PRSS56: variants seen among roughly 807,000 people sequenced by gnomAD.
PRSS56 encodes serine protease 56.
PRSS56 carries 55 observed loss-of-function variants against 66.8 expected under a neutral mutation model. The ratio of observed to expected loss-of-function variants is 0.82; its 90% CI spans 0.66 to 1.03. PRSS56 has a LOEUF of 1.03. Among genes scored for constraint, PRSS56 ranks in the 50% least tolerant of loss-of-function variants. The probability of loss-of-function intolerance (pLI) is 0.00; values close to 1 mark genes in which losing one functional copy is unlikely to be tolerated. For synonymous variants in PRSS56, 409 were observed against 387.9 expected (o/e 1.05, Z -0.64); for missense variants, 869 against 837.2 (o/e 1.04, Z -0.47).
chr2:232,524,278 G>T, intron 10 of PRSS56, 29 bp from the exon 11 acceptor site: 1 of 1,535,566 alleles, frequency 6.5e-7, no homozygotes, highest in South Asian at 1.2e-5. Context: ...TCTCCGCCGA[G>T]GCGGTACCCT....
chr2:232,523,071 G>A lies in PRSS56; in HGVS notation c.718G>A (p.Ala240Thr), dbSNP rs1390869883. ...CCCCTTCCCTGCAGACGGGCCTGAGGCTGAAGCAGTGAGAGAGGCCCGTGT... is the reference window on the plus strand; with the variant it reads ...CCCCTTCCCTGCAGACGGGCCTGAGACTGAAGCAGTGAGAGAGGCCCGTGT... Reference protein sequence around the residue: ...WGALFEDGPEAEAVREARVPL... With the variant: ...WGALFEDGPETEAVREARVPL... The change falls in exon 7 of 13, where the codon GCT (alanine) becomes ACT (threonine). Residue 240 changes from alanine (A) to threonine (T), a missense_variant. This residue lies in a region of PRSS56 where 551 missense variants were observed against 506.9 expected (regional missense o/e 1.09). Transcript: ENST00000617714. 1.3e-6 allele frequency: 2 copies of A among 1,535,104 alleles called. No individual in the cohort carries two copies. Among genetic ancestry groups the A allele is most frequent in the Admixed American group, 2.0e-5 (1 of 50,860 alleles).
In PRSS56 at chr2:232,523,418, T is replaced by A. The variant is rs1691329600; in HGVS notation, c.852T>A (p.Gly284=). Reference sequence around the variant, plus strand: ...CGTCCTCTCTCTTGGCCCCGCAGGGTGACTCGGGAGGCCCCCTGACCTGTT... The same window carrying A: ...CGTCCTCTCTCTTGGCCCCGCAGGGAGACTCGGGAGGCCCCCTGACCTGTT... ...YLAGGVDSCQ[G]DSGGPLTCSE... The change falls in exon 8 of 13, where the codon GGT becomes GGA. Residue 284 remains glycine (G), a splice_region_variant and synonymous_variant. Coordinates refer to ENST00000617714, the MANE Select transcript of PRSS56 (RefSeq NM_001195129.2). 2.8e-6 allele frequency: 4 copies of A among 1,442,164 alleles called. No homozygotes were observed. The highest frequency in any genetic ancestry group is 2.7e-6 in the Non-Finnish European group (3 of 1,100,816). 89.3% of individuals were successfully genotyped at this position (1,442,164 alleles called of 1,614,324 possible). A position where few individuals can be genotyped will look rare whatever the true frequency, so the allele number is the denominator to read the frequency against.
intron 2 of PRSS56, 83 bp downstream of exon 2, chr2:232,521,511 CT>C: frequency 8.7e-7 from 1 of 1,148,318 alleles, no homozygotes; most frequent in Non-Finnish European, 1.3e-6. Context: ...TCCCTTCAGT[CT>C]TCACTCTCCT....
intron 9 of PRSS56, 22 bp downstream of exon 9, chr2:232,523,967 C>A: frequency 3.3e-6 from 5 of 1,517,032 alleles, no homozygotes; most frequent in Non-Finnish European, 3.5e-6. Context: ...TCACCCGGAC[C>A]CGGACGGGGG....
rs1053312141 is a variant in PRSS56, at chr2:232,522,175, C to G, written c.446+15C>G. ...TGCTTTGTAGGGTAAGTAGGACCCC[C>G]AGGCCTTGCCCAGCTGGGGTCCCCG... On this transcript the variant is annotated intron_variant, in intron 4 of 12. Transcript: ENST00000617714. The G allele has an allele frequency of 4.1e-6, 6 of 1,465,154 alleles. No individual in the cohort carries two copies. The highest frequency in any genetic ancestry group is 5.4e-6 in the Non-Finnish European group (6 of 1,112,258). 90.8% of individuals were successfully genotyped at this position (1,465,154 alleles called of 1,614,324 possible).
intron 2 of PRSS56, 29 bp downstream of exon 2, chr2:232,521,457 GA>G: frequency 6.7e-7 from 1 of 1,499,580 alleles, no homozygotes; most frequent in Non-Finnish European, 9.0e-7. Context: ...GTGCCCCAGT[GA>G]GCTTGCTGCC....
chr2:232,524,872 C>T (rs1339952341), intron 12 of PRSS56, 28 bp downstream of exon 12: 2 of 1,485,492 alleles, frequency 1.3e-6, no homozygotes. Context: ...CAGACTCCTT[C>T]ACGATGGCCT....
rs1257247448 is a variant in PRSS56 at position 232,525,671 on chromosome 2, G to C, written c.*165G>C. The C allele has an allele frequency of 7.2e-6, 4 of 552,736 alleles. No homozygotes were observed. The highest frequency in any genetic ancestry group is 1.2e-5 in the Non-Finnish European group (4 of 325,650). The allele number at this position is 552,736 out of a possible 1,614,324, so 34.2% of individuals were successfully genotyped here. On this transcript the variant is annotated 3_prime_UTR_variant, in exon 13 of 13. Coordinates refer to ENST00000617714, the MANE Select transcript of PRSS56 (RefSeq NM_001195129.2). ...CCGTGTCTTCCCAGGTTTACAATCA[G>C]AGAATCACAGCTGCTTTAATAAATG...
intron 7 of PRSS56, 73 bp downstream of exon 7, chr2:232,523,275 G>C (rs1046132798): frequency 2.3e-5 from 32 of 1,420,936 alleles, no homozygotes; most frequent in African/African-American, 2.9e-5. Flanking sequence ...TTCCTTCCAC[G>C]TCTGTCTGTC....
At position 232,524,762 on chromosome 2, in the gene PRSS56, G is replaced by C. The variant is rs749326484; in HGVS notation, c.1439G>C (p.Arg480Pro). Residue 480 changes from arginine to proline, a missense_variant, in exon 12 of 13, where the codon CGA becomes CCA. Coordinates refer to ENST00000617714, the MANE Select transcript of PRSS56 (RefSeq NM_001195129.2). ...ANGCPGLEPL[R>P]QKLAALQGAH... The stretch of plus-strand genomic sequence containing the variant: ...GGCTGCCCTGGGCTGGAGCCCCTGC[G>C]ACAGAAGTTGGCTGCCCTGCAGGGG... 11 of 1,530,462 alleles carry C rather than the reference G, an allele frequency of 7.2e-6. No homozygotes were observed. Among genetic ancestry groups the C allele is most frequent in the African/African-American group, 1.4e-5 (1 of 73,032 alleles). 94.8% of individuals were successfully genotyped at this position (1,530,462 alleles called of 1,614,324 possible). A position where few individuals can be genotyped will look rare whatever the true frequency, so the allele number is the denominator to read the frequency against.
chr2:232,521,536 A>G (rs555180085), intron 2 of PRSS56, 108 bp downstream of exon 2: 2 of 979,028 alleles, frequency 2.0e-6, no homozygotes, highest in Non-Finnish European at 3.1e-6. Context: ...GGGGGCAGAG[A>G]CTGTGTTGGG....
In PRSS56 at chr2:232,520,432, C is replaced by T. The variant is rs1054378437; in HGVS notation, c.-167C>T. 1.2e-5 allele frequency: 8 copies of T among 656,710 alleles called. No homozygotes were observed. Among genetic ancestry groups the T allele is most frequent in the East Asian group, 5.5e-5 (2 of 36,672 alleles). 40.7% of individuals were successfully genotyped at this position (656,710 alleles called of 1,614,324 possible). A position where few individuals can be genotyped will look rare whatever the true frequency, so the allele number is the denominator to read the frequency against. ...GCCAGGTGAGGGCTGACCAGGGAGG[C>T]GGGTAATTTTGATGTAAGAGAACGG... On this transcript the variant is annotated 5_prime_UTR_variant, in exon 1 of 13. Transcript: ENST00000617714.
intron 2 of PRSS56, 77 bp downstream of exon 2, chr2:232,521,505 T>C: frequency 8.3e-7 from 1 of 1,206,478 alleles, no homozygotes; most frequent in Non-Finnish European, 1.2e-6. Flanking sequence ...GTCCCTTCCC[T>C]TCAGTCTTCA....
Position 232,520,545 on chromosome 2 carries a change from T to C in PRSS56, c.-54T>C. The C allele has an allele frequency of 7.0e-7, 1 of 1,433,258 alleles. No individual in the cohort carries two copies. Among genetic ancestry groups the C allele is most frequent in the South Asian group, 1.2e-5 (1 of 81,974 alleles). The allele number at this position is 1,433,258 out of a possible 1,614,324, so 88.8% of individuals were successfully genotyped here. A position where few individuals can be genotyped will look rare whatever the true frequency, so the allele number is the denominator to read the frequency against. The stretch of plus-strand genomic sequence containing the variant: ...CACCAAAGGATAGGCACCCGGAAGG[T>C]GGACTCCGAGGAGGAGAGAGGACAG... On this transcript the variant is annotated 5_prime_UTR_variant, in exon 1 of 13. Coordinates refer to ENST00000617714, the MANE Select transcript of PRSS56 (RefSeq NM_001195129.2).
At position 232,522,693 on chromosome 2, in the gene PRSS56, C is replaced by T. The variant is rs1344260768; in HGVS notation, c.547-9C>T. 6.5e-7 allele frequency: 1 copy of T among 1,534,034 alleles called. No individual in the cohort carries two copies. The highest frequency in any genetic ancestry group is 8.7e-7 in the Non-Finnish European group (1 of 1,145,774). On this transcript the variant is annotated splice_polypyrimidine_tract_variant and intron_variant, in intron 5 of 12. Coordinates refer to ENST00000617714, the MANE Select transcript of PRSS56 (RefSeq NM_001195129.2). ...CTTCCTTGACCCTGCGCCGCCTCCCCCTCCTCAGTTTGACCCGCGGACCTT... is the reference window on the plus strand; with the variant it reads ...CTTCCTTGACCCTGCGCCGCCTCCCTCTCCTCAGTTTGACCCGCGGACCTT...
Position 232,523,978 on chromosome 2 carries a change from G to T in PRSS56, c.1186+33G>T. On this transcript the variant is annotated intron_variant, in intron 9 of 12. Transcript: ENST00000617714. ...CTGTTCACCCGGACCCGGACGGGGG[G>T]CAGAGGGGAGGGGGCCTGGCCAGCC... 1 of 1,522,160 alleles carries T rather than the reference G, an allele frequency of 6.6e-7. No homozygotes were observed. Among genetic ancestry groups the T allele is most frequent in the Non-Finnish European group, 8.8e-7 (1 of 1,141,410 alleles). 94.3% of individuals were successfully genotyped at this position (1,522,160 alleles called of 1,614,324 possible).
Position 232,522,077 on chromosome 2 carries a change from G to A in PRSS56, c.363G>A (p.Arg121=), listed in dbSNP as rs1356477640. The A allele has an allele frequency of 1.3e-6, 2 of 1,516,770 alleles. No individual in the cohort carries two copies. The highest frequency in any genetic ancestry group is 1.8e-6 in the Non-Finnish European group (2 of 1,139,046). 94.0% of individuals were successfully genotyped at this position (1,516,770 alleles called of 1,614,324 possible). The change falls in exon 4 of 13, where the codon AGG becomes AGA. Residue 121 remains arginine (R), a synonymous_variant. Coordinates refer to ENST00000617714, the MANE Select transcript of PRSS56 (RefSeq NM_001195129.2). ...APPGAWPWLV[R]LQLGGQPLCG... is the part of the protein sequence containing the mutation. ...CCGGGGCCTGGCCCTGGCTGGTGAGGCTGCAGCTCGGCGGGCAGCCTCTGT... is the reference window on the plus strand; with the variant it reads ...CCGGGGCCTGGCCCTGGCTGGTGAGACTGCAGCTCGGCGGGCAGCCTCTGT...
chr2:232,523,926 G>A lies in PRSS56; in HGVS notation c.1167G>A (p.Leu389=), dbSNP rs1038301524. Residue 389 remains leucine (L), a synonymous_variant, in exon 9 of 13, where the codon CTG becomes CTA. Transcript: ENST00000617714. ...ACARLAHQQC[L]QRRRRCELRS... is the part of the protein sequence containing the mutation. ...CGCGCCTGGCGCACCAGCAGTGCCT[G>A]CAGCGCCGGCGGCGATGCGGTCAGT... 2.7e-6 allele frequency: 4 copies of A among 1,508,246 alleles called. No homozygotes were observed. In the African/African-American group the frequency reaches 5.6e-5, roughly 21 times the overall value. The allele number at this position is 1,508,246 out of a possible 1,614,324, so 93.4% of individuals were successfully genotyped here. A position where few individuals can be genotyped will look rare whatever the true frequency, so the allele number is the denominator to read the frequency against.
chr2:232,520,405 G>T lies in PRSS56; in HGVS notation c.-194G>T. 1 of 624,868 alleles carries T rather than the reference G, an allele frequency of 1.6e-6. No individual in the cohort carries two copies. Among genetic ancestry groups the T allele is most frequent in the South Asian group, 1.8e-5 (1 of 55,110 alleles). The allele number at this position is 624,868 out of a possible 1,614,324, so 38.7% of individuals were successfully genotyped here. ...TCCCCTGTGGGCTCCTAGGAGTTAA[G>T]GGCCAGGTGAGGGCTGACCAGGGAG... On this transcript the variant is annotated 5_prime_UTR_variant, in exon 1 of 13. In the 5' UTR this introduces an upstream ATG that the reference lacks. Transcript: ENST00000617714.
Sources: allele counts gnomAD v4.1 joint callset, GRCh38; gene constraint gnomAD v4.1.1; regional missense constraint gnomAD v4.1.1; transcripts MANE v1.5; gene names NCBI Gene and HGNC (gene_info 2026-07-23, HGNC 2026-07-21).